MLIP: variants seen among roughly 807,000 people sequenced by gnomAD.
MLIP encodes the protein muscular LMNA-interacting protein.
MLIP carries 79 observed loss-of-function variants against 84.8 expected under a neutral mutation model. The ratio of observed to expected loss-of-function variants is 0.93; its 90% confidence interval spans 0.78 to 1.12. The LOEUF (loss-of-function observed/expected upper bound fraction) is 1.12. Ranked by LOEUF, MLIP falls within the 50% of genes most tolerant of loss-of-function variation. MLIP has a pLI of 0.00. For synonymous variants in MLIP, 504 were observed against 463.0 expected, an observed-to-expected ratio of 1.09 and a Z score of -1.14; for missense variants, 1,257 against 1,160.6, an observed-to-expected ratio of 1.08 and a Z score of -1.21.
intron 1 of MLIP, among the ~76,000 whole-genome samples, chr6:54,120,691 G>C (rs1479431309): frequency 6.6e-6 from 1 of 152,020 alleles, no homozygotes; most frequent in Non-Finnish European, 1.5e-5. Flanking sequence ...CCTTTTCTCA[G>C]CTTGGGATCT....
intron 1 of MLIP, among the ~76,000 whole-genome samples, chr6:54,028,030 G>A (rs917216319): frequency 6.6e-6 from 1 of 151,970 alleles, no homozygotes; most frequent in Admixed American, 6.6e-5. Flanking sequence ...CTCCCCTAAG[G>A]GAATGACAAA....
At chr6:54,201,591 C>A (rs1778682393) in intron 10 of MLIP, among the ~76,000 whole-genome samples, 1 of 152,146 alleles carries the variant, frequency 6.6e-6, no homozygotes. Context: ...AATCTATTTG[C>A]CACCCACCCT....
At chr6:54,212,453 G>T (rs537993870) in intron 11 of MLIP, among the ~76,000 whole-genome samples, 1 of 152,252 alleles carries the variant, frequency 6.6e-6, no homozygotes, top group African/African-American at 2.4e-5. Context: ...TGTTTGGAGA[G>T]ATGGAAAGTC....
intron 1 of MLIP, among the ~76,000 whole-genome samples, chr6:54,063,098 T>C (rs968969098): frequency 4.0e-5 from 6 of 151,660 alleles, no homozygotes; most frequent in African/African-American, 1.5e-4. Flanking sequence ...CCCAGCTACT[T>C]GGGAGGCTAA....
chr6:54,077,017 G>T (rs768950088), intron 1 of MLIP, among the ~76,000 whole-genome samples: 1 of 152,126 alleles, frequency 6.6e-6, no homozygotes, highest in Admixed American at 6.5e-5. Context: ...CACTGAGAAC[G>T]TCTTGTGTTA....
At chr6:54,263,729 A>C (rs1007819445) in intron 13 of MLIP, among the ~76,000 whole-genome samples, 2 of 152,010 alleles carry the variant, frequency 1.3e-5, no homozygotes, top group African/African-American at 4.8e-5. Context: ...TTAAAAAAAA[A>C]CCAAGATTTT....
chr6:54,131,582 C>T (rs572437489), intron 3 of MLIP, among the ~76,000 whole-genome samples: 1 of 152,140 alleles, frequency 6.6e-6, no homozygotes, highest in African/African-American at 2.4e-5. Context: ...GGCTGGGACT[C>T]TTTGGGTAGT....
chr6:54,025,129 G>A (rs1357261190), intron 1 of MLIP, among the ~76,000 whole-genome samples: 3 of 151,914 alleles, frequency 2.0e-5, no homozygotes, highest in Non-Finnish European at 4.4e-5. Flanking sequence ...AATTACAGGC[G>A]TGAGCCGTTG....
intron 1 of MLIP, among the ~76,000 whole-genome samples, chr6:54,101,198 T>C (rs112784968): frequency 3.3e-5 from 5 of 152,208 alleles, no homozygotes; most frequent in Middle Eastern, 3.4e-3. Flanking sequence ...TCAAGATTCT[T>C]AGAAGGTGCC....
chr6:54,068,090 T>TCCTTCC (rs1561905261), intron 1 of MLIP, among the ~76,000 whole-genome samples: 15 of 76,910 alleles, frequency 2.0e-4, no homozygotes, highest in East Asian at 3.7e-4. Context: ...CTTCCTTCTT[T>TCCTTCC]TTCTCTCTCC....
intron 10 of MLIP, among the ~76,000 whole-genome samples, chr6:54,197,367 C>CT (rs970543834): frequency 7.9e-5 from 12 of 151,820 alleles, no homozygotes; most frequent in East Asian, 1.9e-4. Flanking sequence ...GGGGGTATGT[C>CT]TTTTTTTTAT....
At chr6:54,148,109 CA>C (rs984188395) in intron 4 of MLIP, among the ~76,000 whole-genome samples, 7 of 152,088 alleles carry the variant, frequency 4.6e-5, no homozygotes, top group African/African-American at 1.4e-4. Context: ...CTGTCTTCTG[CA>C]GACACTTTGT....
At chr6:54,160,273 A>C in intron 5 of MLIP, 94 bp from the exon 6 acceptor site, 3 of 926,618 alleles carry the variant, frequency 3.2e-6, no homozygotes, top group Non-Finnish European at 5.0e-6. Context: ...TTTTCTTGGA[A>C]TATTAATACA....
intron 8 of MLIP, among the ~76,000 whole-genome samples, chr6:54,168,571 A>AT (rs1195687110): frequency 6.6e-6 from 1 of 151,864 alleles, no homozygotes; most frequent in African/African-American, 2.4e-5. Context: ...CTGTTCACCA[A>AT]TAAGTCCCAG....
chr6:54,218,727 G>T (rs1303440408), intron 11 of MLIP, among the ~76,000 whole-genome samples: 1 of 151,904 alleles, frequency 6.6e-6, no homozygotes, highest in African/African-American at 2.4e-5. Context: ...TGTTAGCAAG[G>T]CTGGTGTTGA....
intron 13 of MLIP, among the ~76,000 whole-genome samples, chr6:54,261,249 A>C (rs2150905097): frequency 6.6e-6 from 1 of 152,212 alleles, no homozygotes; most frequent in South Asian, 2.1e-4. Flanking sequence ...CTCCTTCTGC[A>C]GACTTGTTTG....
At chr6:54,114,524 C>T (rs1275709835) in intron 1 of MLIP, among the ~76,000 whole-genome samples, 2 of 152,124 alleles carry the variant, frequency 1.3e-5, no homozygotes, top group Non-Finnish European at 2.9e-5. Context: ...TAAGTTTTGT[C>T]TTTAAAATGT....
intron 1 of MLIP, among the ~76,000 whole-genome samples, chr6:54,069,102 C>T (rs1399591021): frequency 3.0e-5 from 3 of 101,486 alleles, no homozygotes; most frequent in African/African-American, 5.1e-5. Flanking sequence ...CAGGTCACTT[C>T]GTTCATGTTC....
At chr6:54,260,049 A>G (rs1400949566) in intron 13 of MLIP, among the ~76,000 whole-genome samples, 1 of 151,898 alleles carries the variant, frequency 6.6e-6, no homozygotes, top group Middle Eastern at 3.2e-3. Flanking sequence ...ATGGTATCTC[A>G]TTATTTTCCT....
Sources: gnomAD v4.1 joint callset for allele counts (sites outside exome capture counted in the v4.1 genomes callset) on GRCh38, gnomAD v4.1.1 for gene constraint, MANE v1.5 for transcripts, NCBI Gene and HGNC (gene_info 2026-07-23, HGNC 2026-07-21) for gene names.